The following CORO1C variants were observed in gnomAD, a reference collection of about 807,000 sequenced individuals.
CORO1C encodes coronin 1C.
A neutral mutation model predicts 51.2 loss-of-function variants in CORO1C; 14 were observed. That is an observed-to-expected ratio of 0.27 (90% CI 0.18 to 0.43). The LOEUF (loss-of-function observed/expected upper bound fraction) is 0.43. Among genes scored for constraint, CORO1C ranks in the 20% least tolerant of loss-of-function variants. The probability of loss-of-function intolerance (pLI) is 1.00; values close to 1 mark genes in which losing one functional copy is unlikely to be tolerated. For missense variants in CORO1C, 417 were observed against 607.8 expected, an observed-to-expected ratio of 0.69 and a Z score of 3.30; for synonymous variants, 181 against 210.5, an observed-to-expected ratio of 0.86 and a Z score of 1.21.
intron 10 of CORO1C, 75 bp downstream of exon 10, chr12:108,648,530 G>A (rs2032483884): frequency 1.0e-5 from 16 of 1,593,038 alleles, no homozygotes; most frequent in East Asian, 6.7e-5. Context: ...ACTCGCCGAC[G>A]CCCTGGACCA....
At chr12:108,723,257 C>T (rs984228028) in intron 1 of CORO1C, among the ~76,000 whole-genome samples, 2 of 152,220 alleles carry the variant, frequency 1.3e-5, no homozygotes, top group African/African-American at 4.8e-5. Context: ...ACTCCAGCCA[C>T]ATTTGAGTTT....
chr12:108,690,144 A>G (rs960380507), intron 2 of CORO1C, among the ~76,000 whole-genome samples: 5 of 152,240 alleles, frequency 3.3e-5, no homozygotes, highest in Non-Finnish European at 5.9e-5. Flanking sequence ...ACAGAGACTC[A>G]GCAGCAGACC....
At chr12:108,652,151 A>G in intron 8 of CORO1C, 121 bp downstream of exon 8, 1 of 839,724 alleles carries the variant, frequency 1.2e-6, no homozygotes, top group Non-Finnish European at 1.9e-6. Context: ...GTACAATTCT[A>G]CTACTTTCTT....
At position 108,647,073 on chromosome 12, in the gene CORO1C, T is replaced by A; in HGVS notation, c.*330A>T. ...AAAAGGGTACTTGGGCACGACACAA[T>A]CAGAATTAGTTTGTTTTCTAAAATT... On this transcript the variant is annotated 3_prime_UTR_variant, in exon 11 of 11. Transcript: ENST00000261401. 5.0e-6 allele frequency: 1 copy of A among 198,322 alleles called. No individual in the cohort carries two copies. The highest frequency in any genetic ancestry group is 1.0e-5 in the Non-Finnish European group (1 of 99,518). 12.3% of individuals were successfully genotyped at this position (198,322 alleles called of 1,614,324 possible).
intron 6 of CORO1C, among the ~76,000 whole-genome samples, 192 bp downstream of exon 6, chr12:108,657,112 A>C (rs2033060382): frequency 6.6e-6 from 1 of 152,230 alleles, no homozygotes; most frequent in Admixed American, 6.5e-5. Context: ...CAGGAGTATC[A>C]AAAGTATGTC....
At chr12:108,730,524 A>C (rs1273077028) in intron 1 of CORO1C, 2 of 151,686 alleles carry the variant, frequency 1.3e-5, no homozygotes, top group Non-Finnish European at 2.9e-5. Flanking sequence ...TCCACGTCTG[A>C]CCTCATCCTC....
intron 2 of CORO1C, among the ~76,000 whole-genome samples, chr12:108,694,233 G>A (rs1396841362): frequency 8.0e-6 from 1 of 124,242 alleles, no homozygotes; most frequent in Non-Finnish European, 1.6e-5. Context: ...AGTGAGTCAA[G>A]ATCGCACCAC....
intron 6 of CORO1C, among the ~76,000 whole-genome samples, chr12:108,655,439 G>A (rs150363868): frequency 0.063 from 8,578 of 135,428 alleles, 504 homozygotes; most frequent in East Asian, 0.36. Flanking sequence ...ATGCCGAGCC[G>A]AAGCTGGACG....
intron 1 of CORO1C, among the ~76,000 whole-genome samples, chr12:108,706,082 G>A (rs1018266643): frequency 9.9e-5 from 15 of 151,326 alleles, no homozygotes; most frequent in Admixed American, 9.3e-4. Flanking sequence ...AGCTACTCGG[G>A]AGGCAGAGGC....
At chr12:108,652,050 C>CTTTT (rs2032689876) in intron 8 of CORO1C, 1 of 192,980 alleles carries the variant, frequency 5.2e-6, no homozygotes, top group African/African-American at 3.1e-5. Context: ...AGATTTTTTT[C>CTTTT]TTTTCTTTTT....
chr12:108,681,188 T>G (rs1414423149), intron 2 of CORO1C, among the ~76,000 whole-genome samples: 2 of 152,190 alleles, frequency 1.3e-5, no homozygotes, highest in Non-Finnish European at 2.9e-5. Flanking sequence ...ATTTCATAAC[T>G]TAAAACATCC....
At chr12:108,721,661 A>G (rs774812533) in intron 1 of CORO1C, among the ~76,000 whole-genome samples, 1 of 152,240 alleles carries the variant, frequency 6.6e-6, no homozygotes, top group Non-Finnish European at 1.5e-5. Flanking sequence ...TGAAACCAGT[A>G]GTTCAAACCC....
intron 2 of CORO1C, among the ~76,000 whole-genome samples, chr12:108,687,100 G>A (rs371428953): frequency 6.6e-6 from 1 of 152,164 alleles, no homozygotes; most frequent in African/African-American, 2.4e-5. Flanking sequence ...CCTGGAGACT[G>A]ATACTTCAAC....
At chr12:108,652,464 A>T (rs374350794) in intron 7 of CORO1C, 47 bp from the exon 8 acceptor site, 1 of 1,525,836 alleles carries the variant, frequency 6.6e-7, no homozygotes. Context: ...TAACTGAAAC[A>T]TCTGGATTAT....
intron 1 of CORO1C, among the ~76,000 whole-genome samples, chr12:108,712,301 G>A (rs1385208818): frequency 6.6e-6 from 1 of 152,100 alleles, no homozygotes; most frequent in Non-Finnish European, 1.5e-5. Context: ...GGCCGGGCAG[G>A]GCGGCTCACA....
intron 2 of CORO1C, among the ~76,000 whole-genome samples, chr12:108,697,741 C>A (rs1331909461): frequency 1.3e-5 from 2 of 152,136 alleles, no homozygotes; most frequent in Non-Finnish European, 2.9e-5. Flanking sequence ...AGCAATCTGC[C>A]AGGATGCTTT....
In CORO1C at chr12:108,657,218, C is replaced by T. The variant is rs920637460; in HGVS notation, c.750+86G>A. On this transcript the variant is annotated intron_variant, in intron 6 of 10. Transcript: ENST00000261401. ...GTTTAGAAAACTACACTAAGAATCC[C>T]ATAATCTACTTACTCACTGGAAGAC... 4 of 1,502,530 alleles carry T rather than the reference C, an allele frequency of 2.7e-6. No individual in the cohort carries two copies. The African/African-American group carries it at 5.6e-5, about 21-fold the overall frequency. 93.1% of individuals were successfully genotyped at this position (1,502,530 alleles called of 1,614,324 possible). A position where few individuals can be genotyped will look rare whatever the true frequency, so the allele number is the denominator to read the frequency against.
intron 4 of CORO1C, among the ~76,000 whole-genome samples, chr12:108,660,280 T>C (rs1346989349): frequency 3.3e-5 from 5 of 151,948 alleles, no homozygotes; most frequent in Admixed American, 2.6e-4. Flanking sequence ...GGAGAAACCC[T>C]GTCTCTACTA....
At chr12:108,656,393 C>T (rs1416087397) in intron 6 of CORO1C, among the ~76,000 whole-genome samples, 1 of 150,076 alleles carries the variant, frequency 6.7e-6, no homozygotes, top group Admixed American at 6.6e-5. Context: ...GGGGGGGCAG[C>T]CCCCGCCCGG....
Sources: allele counts gnomAD v4.1 joint callset (sites outside exome capture counted in the v4.1 genomes callset), GRCh38; gene constraint gnomAD v4.1.1; transcripts MANE v1.5; gene names NCBI Gene and HGNC (gene_info 2026-07-23, HGNC 2026-07-21).